Variants in ABI3BP observed in about 807,000 individuals in gnomAD.
ABI3BP encodes ABI family member 3 binding protein, also known as target of Nesh-SH3.
In ABI3BP, 216 loss-of-function variants were observed where a neutral mutation model predicts 268.6. The observed-to-expected ratio is 0.80, with a 90% confidence interval of 0.72 to 0.90. ABI3BP has a LOEUF of 0.90. ABI3BP is among the 40% of genes least tolerant of loss of function. The pLI is 0.00. For synonymous variants in ABI3BP, 730 were observed against 730.0 expected (o/e 1.00, Z 0.00); for missense variants, 2,090 against 2,182.4 (o/e 0.96, Z 0.84).
chr3:100,960,672 G>C (rs776117221), intron 1 of ABI3BP, among the ~76,000 whole-genome samples: 1 of 152,186 alleles, frequency 6.6e-6, no homozygotes, highest in Non-Finnish European at 1.5e-5. Flanking sequence ...GATTCAAAGC[G>C]TGCAAAAGAT....
chr3:100,827,840 T>G (rs1452822819), intron 34 of ABI3BP, among the ~76,000 whole-genome samples: 1 of 152,146 alleles, frequency 6.6e-6, no homozygotes, highest in Non-Finnish European at 1.5e-5. Flanking sequence ...TGATGGAGAC[T>G]AGGGGGAATG....
Position 100,835,628 on chromosome 3 carries a change from TCA to T in ABI3BP, c.2162_2163del (p.Val721GlufsTer3), listed in dbSNP as rs1288576718. 3 of 1,535,352 alleles carry T rather than the reference TCA, an allele frequency of 2.0e-6. No homozygotes were observed. The highest frequency in any genetic ancestry group is 2.4e-5 in the East Asian group (1 of 40,858). ...VPTTDIEPVT[V>X]RTEATVTTLA... Reference sequence around the variant, plus strand: ...AATGTTGTCACTGTAGCCTCAGTTCTCACAGTTACAGGCTCAATGTCTGTGGT... The same window carrying T: ...AATGTTGTCACTGTAGCCTCAGTTCTCAGTTACAGGCTCAATGTCTGTGGT... On this transcript the variant is annotated frameshift_variant, in exon 28 of 68. Transcript: ENST00000471714. LOFTEE classifies it high-confidence loss of function.
chr3:100,823,356 A>C, intron 37 of ABI3BP, 102 bp downstream of exon 37: 1 of 973,484 alleles, frequency 1.0e-6, no homozygotes, highest in Non-Finnish European at 1.5e-6. Flanking sequence ...AGAAGAGTTG[A>C]ATGGCCATCA....
intron 27 of ABI3BP, among the ~76,000 whole-genome samples, chr3:100,836,501 G>C (rs889688824): frequency 6.6e-6 from 1 of 152,052 alleles, no homozygotes; most frequent in African/African-American, 2.4e-5. Flanking sequence ...CCACCACTGA[G>C]AGCATCTTCA....
intron 1 of ABI3BP, among the ~76,000 whole-genome samples, chr3:100,932,574 G>A (rs1265095053): frequency 6.6e-6 from 1 of 152,118 alleles, no homozygotes; most frequent in Non-Finnish European, 1.5e-5. Flanking sequence ...AGACATACGT[G>A]TGGCCAACAA....
intron 1 of ABI3BP, among the ~76,000 whole-genome samples, chr3:100,951,274 T>C (rs2074867515): frequency 6.6e-6 from 1 of 151,820 alleles, no homozygotes. Flanking sequence ...CACCTCCCCC[T>C]ACATCTTGAT....
chr3:100,931,590 A>G (rs557070544), intron 1 of ABI3BP, among the ~76,000 whole-genome samples: 16 of 152,166 alleles, frequency 1.1e-4, no homozygotes, highest in South Asian at 2.1e-4. Flanking sequence ...TCAAGAATAC[A>G]ATACCATTCA....
chr3:100,931,485 T>A (rs2063613913), intron 1 of ABI3BP, among the ~76,000 whole-genome samples: 1 of 152,066 alleles, frequency 6.6e-6, no homozygotes. Flanking sequence ...CTACTAGAAA[T>A]GATAAACAAC....
At chr3:100,900,215 G>A (rs2049599647) in intron 3 of ABI3BP, among the ~76,000 whole-genome samples, 1 of 152,144 alleles carries the variant, frequency 6.6e-6, no homozygotes, top group Admixed American at 6.5e-5. Flanking sequence ...TTATATGATG[G>A]TGATTTAAAT....
At chr3:100,872,929 C>G (rs974410471) in intron 9 of ABI3BP, among the ~76,000 whole-genome samples, 11 of 152,100 alleles carry the variant, frequency 7.2e-5, no homozygotes, top group Admixed American at 2.6e-4. Flanking sequence ...CACAAAACCA[C>G]AAAGATATAT....
chr3:100,823,940 C>T (rs1327179944), intron 36 of ABI3BP, among the ~76,000 whole-genome samples: 1 of 151,996 alleles, frequency 6.6e-6, no homozygotes, highest in South Asian at 2.1e-4. Flanking sequence ...ATGTTTGATA[C>T]CGACATAAAA....
intron 1 of ABI3BP, among the ~76,000 whole-genome samples, chr3:100,953,820 A>G (rs568662803): frequency 1.3e-5 from 2 of 152,210 alleles, no homozygotes; most frequent in Non-Finnish European, 2.9e-5. Flanking sequence ...AAAAAATAGT[A>G]GTAGCAAGAA....
intron 1 of ABI3BP, among the ~76,000 whole-genome samples, chr3:100,943,425 C>T (rs142448434): frequency 2.0e-4 from 31 of 152,076 alleles, no homozygotes; most frequent in African/African-American, 7.2e-4. Context: ...AATTTAGGTA[C>T]AATGAAATAC....
chr3:100,961,882 C>T (rs2153820166), intron 1 of ABI3BP, among the ~76,000 whole-genome samples: 1 of 152,210 alleles, frequency 6.6e-6, no homozygotes, highest in African/African-American at 2.4e-5. Flanking sequence ...ATTCCATGGC[C>T]CATCACTGCA....
intron 10 of ABI3BP, among the ~76,000 whole-genome samples, chr3:100,865,945 TG>T (rs2099047237): frequency 6.6e-6 from 1 of 152,136 alleles, no homozygotes; most frequent in Non-Finnish European, 1.5e-5. Flanking sequence ...CCCATGAAGG[TG>T]GGGATGAAAG....
intron 2 of ABI3BP, among the ~76,000 whole-genome samples, chr3:100,906,370 C>A (rs1015856924): frequency 1.3e-5 from 2 of 152,202 alleles, no homozygotes; most frequent in African/African-American, 4.8e-5. Flanking sequence ...TGTGTTGGCT[C>A]TTACTGCTCA....
chr3:100,853,361 T>A (rs1233633205), intron 14 of ABI3BP, among the ~76,000 whole-genome samples: 1 of 152,228 alleles, frequency 6.6e-6, no homozygotes. Context: ...TTTAAAAGAT[T>A]AATCAAAAGT....
intron 1 of ABI3BP, among the ~76,000 whole-genome samples, chr3:100,955,474 C>T (rs540006399): frequency 1.3e-5 from 2 of 151,628 alleles, no homozygotes; most frequent in South Asian, 2.1e-4. Flanking sequence ...TAGTGGCAGC[C>T]GTATTAGATG....
intron 59 of ABI3BP, 94 bp from the exon 60 acceptor site, chr3:100,775,429 A>T: frequency 1.3e-6 from 2 of 1,498,306 alleles, no homozygotes; most frequent in Non-Finnish European, 1.8e-6. Flanking sequence ...TTAAGCACTG[A>T]CCATGTGGCT....
Sources: allele counts gnomAD v4.1 joint callset (sites outside exome capture counted in the v4.1 genomes callset), GRCh38; gene constraint gnomAD v4.1.1; transcripts MANE v1.5; gene names NCBI Gene and HGNC (gene_info 2026-07-23, HGNC 2026-07-21).